Variants in RCN1 observed in about 807,000 individuals in gnomAD.
RCN1 encodes reticulocalbin 1, also known as reticulocalbin-1.
RCN1 carries 14 observed loss-of-function variants against 34.7 expected under a neutral mutation model. That is an observed-to-expected ratio of 0.40 (90% CI 0.27 to 0.63). RCN1 has a LOEUF of 0.63. RCN1 is among the 30% of genes least tolerant of loss of function. The pLI is 0.37. For synonymous variants in RCN1, 125 were observed against 165.5 expected, an observed-to-expected ratio of 0.76 and a Z score of 1.88; for missense variants, 326 against 425.1, an observed-to-expected ratio of 0.77 and a Z score of 2.05.
chr11:32,101,261 G>T (rs1156379144), intron 4 of RCN1, among the ~76,000 whole-genome samples: 1 of 57,194 alleles, frequency 1.7e-5, no homozygotes, highest in East Asian at 5.6e-4. Context: ...CCAACCCCCC[G>T]CTAGAAAGGA....
chr11:32,099,819 C>T (rs939618226), intron 3 of RCN1, among the ~76,000 whole-genome samples: 2 of 152,132 alleles, frequency 1.3e-5, no homozygotes, highest in African/African-American at 4.8e-5. Flanking sequence ...GGCAGTGGCT[C>T]CAAGAATCAT....
rs561314337 is a variant in RCN1, at chr11:32,101,137, C to T, written c.688+529C>T. On this transcript the variant is annotated intron_variant, in intron 4 of 5. Coordinates refer to ENST00000054950, the MANE Select transcript of RCN1 (RefSeq NM_002901.4). The stretch of plus-strand genomic sequence containing the variant: ...GCCCAATAATATGCTCATTTTGTGC[C>T]CCTCGTTTCCCATCCTTTGGATGGG... 3.2e-4 allele frequency among the ~76,000 whole-genome samples: 48 copies of T among 152,204 alleles called. No individual in the cohort carries two copies. In the South Asian group the frequency reaches 9.3e-3, roughly 30 times the overall value.
At chr11:32,094,425 A>T (rs767583832) in intron 1 of RCN1, among the ~76,000 whole-genome samples, 7 of 152,090 alleles carry the variant, frequency 4.6e-5, no homozygotes, top group Non-Finnish European at 1.0e-4. Flanking sequence ...CTTTATTCCC[A>T]TGTGTCAGTC....
chr11:32,103,257 A>G, intron 4 of RCN1, 24 bp from the exon 5 acceptor site: 2 of 1,610,780 alleles, frequency 1.2e-6, no homozygotes, highest in Non-Finnish European at 1.7e-6. Context: ...TTCCTTTGTA[A>G]CCAACAATAA....
intron 3 of RCN1, 91 bp from the exon 4 acceptor site, chr11:32,100,457 C>T (rs2281411): frequency 3.9e-6 from 4 of 1,037,462 alleles, no homozygotes; most frequent in Non-Finnish European, 4.5e-6. Flanking sequence ...AGCATTCAGC[C>T]GTAAAAGCTG....
At chr11:32,098,597 C>T in intron 3 of RCN1, 69 bp downstream of exon 3, 5 of 1,242,654 alleles carry the variant, frequency 4.0e-6, no homozygotes, top group Non-Finnish European at 5.5e-6. Context: ...CTTGTCTCTT[C>T]CAAAGAGAGA....
In RCN1 at chr11:32,098,518, T is replaced by G; in HGVS notation, c.617T>G (p.Ile206Ser). ...HPEEFEHMKEIVVLETLEDID... is the reference protein window; with the variant it reads ...HPEEFEHMKESVVLETLEDID... The stretch of plus-strand genomic sequence containing the variant: ...GAAGAGTTTGAACATATGAAGGAAA[T>G]TGTGGTTTTGGTAAGATAAGTGAAG... Residue 206 changes from isoleucine to serine, a missense_variant, in exon 3 of 6, where the codon ATT (isoleucine) becomes AGT (serine). Physicochemically the swap from Ile to Ser is moderately radical, Grantham distance 142 (BLOSUM62 -2). Transcript: ENST00000054950. The G allele has an allele frequency of 6.2e-7, 1 of 1,609,248 alleles. No individual in the cohort carries two copies. The highest frequency in any genetic ancestry group is 8.5e-7 in the Non-Finnish European group (1 of 1,178,548).
At chr11:32,095,322 C>T (rs1247173515) in intron 1 of RCN1, among the ~76,000 whole-genome samples, 1 of 151,702 alleles carries the variant, frequency 6.6e-6, no homozygotes, top group Non-Finnish European at 1.5e-5. Context: ...ATAGCTCACA[C>T]TGCAGCCTCG....
At chr11:32,094,438 C>T (rs1221019474) in intron 1 of RCN1, among the ~76,000 whole-genome samples, 2 of 152,198 alleles carry the variant, frequency 1.3e-5, no homozygotes, top group Non-Finnish European at 1.5e-5. Flanking sequence ...TGTCAGTCAT[C>T]GTCTGCAGCA....
At position 32,091,405 on chromosome 11, in the gene RCN1, A is replaced by G. The variant is rs1477049833; in HGVS notation, c.209A>G (p.Lys70Arg). The G allele has an allele frequency of 3.9e-6, 6 of 1,549,148 alleles. No homozygotes were observed. Among genetic ancestry groups the G allele is most frequent in the Non-Finnish European group, 5.2e-6 (6 of 1,146,162 alleles). ...HEAFLGKEDS[K>R]TFDQLTPDES... Reference sequence around the variant, plus strand: ...GCCTTCCTGGGCAAGGAGGACTCCAAGACCTTCGACCAGCTCACCCCGGAC... The same window carrying G: ...GCCTTCCTGGGCAAGGAGGACTCCAGGACCTTCGACCAGCTCACCCCGGAC... Residue 70 changes from lysine to arginine, a missense_variant, in exon 1 of 6, where the codon AAG becomes AGG. Physicochemically the swap from Lys to Arg is conservative, Grantham distance 26 (BLOSUM62 2). Coordinates refer to ENST00000054950, the MANE Select transcript of RCN1 (RefSeq NM_002901.4).
intron 1 of RCN1, among the ~76,000 whole-genome samples, chr11:32,093,994 G>A (rs1851945975): frequency 6.6e-6 from 1 of 152,174 alleles, no homozygotes; most frequent in Non-Finnish European, 1.5e-5. Flanking sequence ...AGGAATCAAG[G>A]GGACATCCGG....
chr11:32,094,974 G>A (rs1851956280), intron 1 of RCN1, among the ~76,000 whole-genome samples: 1 of 152,164 alleles, frequency 6.6e-6, no homozygotes, highest in African/African-American at 2.4e-5. Context: ...TTGTCAGGCT[G>A]AGCTATGTCC....
intron 1 of RCN1, among the ~76,000 whole-genome samples, chr11:32,091,987 A>G (rs1487507301): frequency 1.3e-5 from 2 of 152,132 alleles, no homozygotes; most frequent in Non-Finnish European, 2.9e-5. Context: ...CCTTTTGCCT[A>G]ATCGCCCTGT....
intron 1 of RCN1, among the ~76,000 whole-genome samples, chr11:32,094,351 T>C (rs1478337242): frequency 6.6e-6 from 1 of 152,226 alleles, no homozygotes; most frequent in Non-Finnish European, 1.5e-5. Flanking sequence ...TGTAAATTAC[T>C]TGCCCACGTT....
chr11:32,105,100 A>C lies in RCN1; in HGVS notation c.*628A>C, dbSNP rs1852095899. The stretch of plus-strand genomic sequence containing the variant: ...TGTCTTTGTTTGTTTTTCTATTAAA[A>C]AGCAATCAAGAAAGATAATGTGAAA... On this transcript the variant is annotated 3_prime_UTR_variant, in exon 6 of 6. Transcript: ENST00000054950. The C allele has an allele frequency of 6.0e-6, 1 of 167,274 alleles. No homozygotes were observed. Among genetic ancestry groups the C allele is most frequent in the South Asian group, 2.1e-4 (1 of 4,830 alleles). The allele number at this position is 167,274 out of a possible 1,614,324, so 10.4% of individuals were successfully genotyped here.
At position 32,091,327 on chromosome 11, in the gene RCN1, A is replaced by T. The variant is rs1165729830; in HGVS notation, c.131A>T (p.Glu44Val). The change falls in exon 1 of 6, where the codon GAG (glutamate) becomes GTG (valine). Residue 44 changes from glutamate to valine, a missense_variant. Coordinates refer to ENST00000054950, the MANE Select transcript of RCN1 (RefSeq NM_002901.4). The stretch of plus-strand genomic sequence containing the variant: ...GAGCGCGTGGTGCGGCCCGACTCGG[A>T]GCTGGGCGAGCGGCCCCCTGAGGAC... The part of the protein sequence containing the change: ...RKERVVRPDS[E>V]LGERPPEDNQ... 1 of 1,547,882 alleles carries T rather than the reference A, an allele frequency of 6.5e-7. No homozygotes were observed. Among genetic ancestry groups the T allele is most frequent in the Admixed American group, 2.0e-5 (1 of 50,924 alleles).
intron 4 of RCN1, chr11:32,103,049 G>T: frequency 1.6e-6 from 1 of 628,950 alleles, no homozygotes. Context: ...CAAAAGCCGG[G>T]ATTTATCTTT....
intron 1 of RCN1, among the ~76,000 whole-genome samples, chr11:32,094,041 A>G (rs569364827): frequency 6.6e-6 from 1 of 152,302 alleles, no homozygotes; most frequent in Non-Finnish European, 1.5e-5. Flanking sequence ...TGATGGATGC[A>G]CCATTCACTT....
At chr11:32,101,935 A>C (rs1852048449) in intron 4 of RCN1, 1 of 152,206 alleles carries the variant, frequency 6.6e-6, no homozygotes, top group South Asian at 2.1e-4. Flanking sequence ...TGTGCATTGA[A>C]ATGGTGCAAA....
Sources: gnomAD v4.1 joint callset for allele counts (sites outside exome capture counted in the v4.1 genomes callset) on GRCh38, gnomAD v4.1.1 for gene constraint, MANE v1.5 for transcripts, NCBI Gene and HGNC (gene_info 2026-07-23, HGNC 2026-07-21) for gene names.